Variants in UEVLD observed in about 807,000 individuals in gnomAD.
UEVLD encodes the protein UEV and lactate/malate dehyrogenase domains.
Under a neutral mutation model 58.6 loss-of-function variants are expected in UEVLD, and 47 were observed. The ratio of observed to expected loss-of-function variants is 0.80; its 90% CI spans 0.63 to 1.02. UEVLD has a LOEUF of 1.02. Among genes scored for constraint, UEVLD ranks in the 50% least tolerant of loss-of-function variants. The pLI is 0.00. For missense variants in UEVLD, 510 were observed against 550.6 expected (o/e 0.93, Z 0.74); for synonymous variants, 197 against 195.3 (o/e 1.01, Z -0.07).
intron 6 of UEVLD, among the ~76,000 whole-genome samples, chr11:18,560,090 T>TACACACACATAC (rs1851944977): frequency 1.3e-5 from 1 of 76,110 alleles, no homozygotes; most frequent in Non-Finnish European, 2.9e-5. Context: ...ACCCCGTCTC[T>TACACACACATAC]ACACACACAC....
At chr11:18,578,600 T>C in intron 2 of UEVLD, 124 bp downstream of exon 2, 1 of 702,686 alleles carries the variant, frequency 1.4e-6, no homozygotes, top group South Asian at 1.6e-5. Flanking sequence ...TTGCAGGTCA[T>C]AAAGTATAGC....
chr11:18,547,133 C>T, intron 7 of UEVLD, 83 bp from the exon 8 acceptor site: 1 of 1,432,570 alleles, frequency 7.0e-7, no homozygotes. Context: ...TTGTTCTTTT[C>T]AACAAATAAG....
At chr11:18,544,407 C>T (rs1350167903) in intron 9 of UEVLD, among the ~76,000 whole-genome samples, 1 of 152,182 alleles carries the variant, frequency 6.6e-6, no homozygotes, top group East Asian at 1.9e-4. Flanking sequence ...CTCCCGGGCT[C>T]AAGTGATCCT....
intron 7 of UEVLD, among the ~76,000 whole-genome samples, chr11:18,551,129 A>C (rs990723189): frequency 6.6e-6 from 1 of 152,166 alleles, no homozygotes; most frequent in Non-Finnish European, 1.5e-5. Context: ...ATAAATTACA[A>C]GGTTAAGGAT....
intron 1 of UEVLD, among the ~76,000 whole-genome samples, chr11:18,582,464 G>A (rs1027274195): frequency 2.1e-5 from 3 of 145,252 alleles, no homozygotes; most frequent in African/African-American, 7.7e-5. Context: ...CTGGAGTGCA[G>A]TGGCACAATC....
chr11:18,584,405 C>T (rs117134817), intron 1 of UEVLD, among the ~76,000 whole-genome samples: 1,817 of 152,050 alleles, frequency 0.012, 28 homozygotes, highest in East Asian at 0.076. Flanking sequence ...AAAAAGCACA[C>T]GCTTTTTGCA....
intron 3 of UEVLD, among the ~76,000 whole-genome samples, chr11:18,571,974 C>T (rs555192816): frequency 3.3e-5 from 5 of 152,252 alleles, no homozygotes; most frequent in Admixed American, 6.5e-5. Flanking sequence ...TGATGGCTCA[C>T]GTCTGTAATC....
At chr11:18,580,692 A>G (rs892089014) in intron 1 of UEVLD, among the ~76,000 whole-genome samples, 3 of 151,900 alleles carry the variant, frequency 2.0e-5, no homozygotes, top group Admixed American at 1.3e-4. Flanking sequence ...GAAATGAGAC[A>G]CAAAGGCTAT....
rs748304266 is a variant in UEVLD at position 18,566,429 on chromosome 11, C to T, written c.411G>A (p.Glu137=). Residue 137 remains glutamate, a synonymous_variant, in exon 5 of 12, where the codon GAG becomes GAA. Coordinates refer to ENST00000396197, the MANE Select transcript of UEVLD (RefSeq NM_001040697.4). The stretch of plus-strand genomic sequence containing the variant: ...ATGATAGAGAATACATGGGAAGTTC[C>T]TCTTGAAACTTGGCAATCATTTCTT... The part of the protein sequence containing the change: ...LIKEMIAKFQ[E]ELPMYSLSSS... 6.2e-7 allele frequency: 1 copy of T among 1,614,108 alleles called. No homozygotes were observed.
chr11:18,577,118 G>A (rs1048398220), intron 2 of UEVLD, among the ~76,000 whole-genome samples: 21 of 152,186 alleles, frequency 1.4e-4, no homozygotes, highest in Admixed American at 3.9e-4. Flanking sequence ...GGAAGGGGGA[G>A]GTTGCAGTGA....
rs748709754 is a variant in UEVLD, at chr11:18,558,289, C to T, written c.654G>A (p.Gly218=). The T allele has an allele frequency of 6.2e-7, 1 of 1,613,422 alleles. No homozygotes were observed. The highest frequency in any genetic ancestry group is 8.5e-7 in the Non-Finnish European group (1 of 1,179,718). ...DRLVLLDLSE[G]TKGATMDLEI... Reference sequence around the variant, plus strand: ...CAAGGTCCATCGTGGCTCCTTTAGTCCCTTCTGAGAGGTCTAAGAGGACAA... The same window carrying T: ...CAAGGTCCATCGTGGCTCCTTTAGTTCCTTCTGAGAGGTCTAAGAGGACAA... The change falls in exon 7 of 12, where the codon GGG becomes GGA. Residue 218 remains glycine (G), a synonymous_variant. Transcript: ENST00000396197.
In UEVLD at chr11:18,578,805, T is replaced by C; in HGVS notation, c.46A>G (p.Lys16Glu). 6.3e-7 allele frequency: 1 copy of C among 1,587,296 alleles called. No individual in the cohort carries two copies. The highest frequency in any genetic ancestry group is 8.5e-7 in the Non-Finnish European group (1 of 1,169,994). ...TCTTCCACAGTTAGGTCCCTGAACT[T>C]GTACTGAAAAGAGAAAAATAAGCAT... ...EGLRRLLGKY[K>E]FRDLTVEELR... The change falls in exon 2 of 12, where the codon AAG becomes GAG. Residue 16 changes from lysine (K) to glutamate (E), a missense_variant. Coordinates refer to ENST00000396197, the MANE Select transcript of UEVLD (RefSeq NM_001040697.4).
chr11:18,562,290 C>A (rs1213860557), intron 6 of UEVLD, among the ~76,000 whole-genome samples: 1 of 152,078 alleles, frequency 6.6e-6, no homozygotes, highest in Non-Finnish European at 1.5e-5. Flanking sequence ...ACCTGTAATC[C>A]CAGCACTTTG....
At chr11:18,579,437 G>C (rs1853116752) in intron 1 of UEVLD, 1 of 985,218 alleles carries the variant, frequency 1.0e-6, no homozygotes, top group Non-Finnish European at 1.2e-6. Context: ...CCTCCAGACA[G>C]CTTAAATGAT....
intron 7 of UEVLD, among the ~76,000 whole-genome samples, chr11:18,548,254 AG>A (rs1474084158): frequency 1.1e-4 from 17 of 152,316 alleles, no homozygotes; most frequent in African/African-American, 3.8e-4. Context: ...TGTGTTTTAC[AG>A]TAAGTACATG....
At chr11:18,575,164 A>AC (rs1461497825) in intron 3 of UEVLD, among the ~76,000 whole-genome samples, 183 bp downstream of exon 3, 22 of 152,118 alleles carry the variant, frequency 1.4e-4, no homozygotes, top group African/African-American at 5.3e-4. Context: ...GTATTTGTTG[A>AC]ATTGAACTGA....
At chr11:18,561,228 GC>G (rs1006982027) in intron 6 of UEVLD, among the ~76,000 whole-genome samples, 5 of 152,232 alleles carry the variant, frequency 3.3e-5, no homozygotes, top group Admixed American at 2.6e-4. Context: ...TTGGGTAACC[GC>G]CCTATGCCTT....
intron 4 of UEVLD, among the ~76,000 whole-genome samples, 172 bp from the exon 5 acceptor site, chr11:18,566,654 CA>C (rs554648873): frequency 6.0e-4 from 91 of 152,194 alleles, no homozygotes; most frequent in African/African-American, 2.1e-3. Flanking sequence ...CCAAACAAAA[CA>C]AACAAAAAAT....
At position 18,544,701 on chromosome 11, in the gene UEVLD, A is replaced by T; in HGVS notation, c.982T>A (p.Tyr328Asn). The T allele has an allele frequency of 2.5e-6, 4 of 1,585,660 alleles. No homozygotes were observed. Among genetic ancestry groups the T allele is most frequent in the Non-Finnish European group, 3.4e-6 (4 of 1,170,934 alleles). ...GCNLDSQRLQ[Y>N]IITNVLKAQT... ...GCCTTCAAAACATTTGTAATAATAT[A>T]CTGTAATCTCTGTGAATCCAGATTA... Residue 328 changes from tyrosine (Y) to asparagine (N), a missense_variant, in exon 9 of 12, where the codon TAT becomes AAT. Coordinates refer to ENST00000396197, the MANE Select transcript of UEVLD (RefSeq NM_001040697.4).
Sources: gnomAD v4.1 joint callset for allele counts (sites outside exome capture counted in the v4.1 genomes callset) on GRCh38, gnomAD v4.1.1 for gene constraint, MANE v1.5 for transcripts, NCBI Gene and HGNC (gene_info 2026-07-23, HGNC 2026-07-21) for gene names.